BNC2: variants seen among roughly 807,000 people sequenced by gnomAD.
BNC2 encodes the protein basonuclin zinc finger protein 2.
BNC2 carries 20 observed loss-of-function variants against 76.3 expected under a neutral mutation model. The observed-to-expected ratio is 0.26, with a 90% CI of 0.18 to 0.38. The LOEUF (loss-of-function observed/expected upper bound fraction) is 0.38, where lower values mean the gene tolerates loss of function less well. BNC2 is among the 10% of genes least tolerant of loss of function. The probability of loss-of-function intolerance (pLI) is 1.00; values close to 1 mark genes in which losing one functional copy is unlikely to be tolerated. For missense variants in BNC2, 1,382 were observed against 1,399.8 expected, an observed-to-expected ratio of 0.99 and a Z score of 0.20; for synonymous variants, 582 against 514.8, an observed-to-expected ratio of 1.13 and a Z score of -1.77.
At chr9:16,594,822 G>A (rs551939834) in intron 3 of BNC2, among the ~76,000 whole-genome samples, 1 of 152,210 alleles carries the variant, frequency 6.6e-6, no homozygotes, top group South Asian at 2.1e-4. Flanking sequence ...GCCTGGGCAT[G>A]GGAGGAAAGG....
intron 6 of BNC2, among the ~76,000 whole-genome samples, chr9:16,431,927 C>T (rs1342445824): frequency 1.3e-5 from 2 of 152,214 alleles, no homozygotes; most frequent in Admixed American, 1.3e-4. Context: ...TGCTCACCCA[C>T]CCACCACTCA....
At chr9:16,623,499 C>A (rs1427071981) in intron 3 of BNC2, among the ~76,000 whole-genome samples, 2 of 152,160 alleles carry the variant, frequency 1.3e-5, no homozygotes, top group African/African-American at 4.8e-5. Context: ...GCTAAGGAGC[C>A]TGCAGAGAAA....
chr9:16,851,034 G>T (rs141782457), intron 1 of BNC2, among the ~76,000 whole-genome samples: 1 of 151,680 alleles, frequency 6.6e-6, no homozygotes, highest in Non-Finnish European at 1.5e-5. Context: ...ATCTTCTAGG[G>T]TGACTATTTT....
chr9:16,519,577 G>C (rs1355221790), intron 5 of BNC2, among the ~76,000 whole-genome samples: 2 of 152,212 alleles, frequency 1.3e-5, no homozygotes, highest in African/African-American at 4.8e-5. Context: ...TGCTGATCAA[G>C]TGAAACATGA....
intron 4 of BNC2, among the ~76,000 whole-genome samples, chr9:16,566,459 T>C (rs1819170464): frequency 6.6e-6 from 1 of 152,086 alleles, no homozygotes; most frequent in South Asian, 2.1e-4. Context: ...ATTAAGGCAA[T>C]TTGGAGGGTA....
chr9:16,631,239 A>T (rs1199528616), intron 3 of BNC2, among the ~76,000 whole-genome samples: 1 of 152,162 alleles, frequency 6.6e-6, no homozygotes, highest in African/African-American at 2.4e-5. Context: ...ACTTTTACAT[A>T]ATTAATGAAC....
intron 1 of BNC2, among the ~76,000 whole-genome samples, chr9:16,845,497 G>A (rs188323542): frequency 6.2e-4 from 95 of 152,156 alleles, no homozygotes; most frequent in African/African-American, 2.0e-3. Context: ...CAAGGCGGGC[G>A]GATCACAAGG....
At chr9:16,844,384 C>A (rs1029525667) in intron 1 of BNC2, among the ~76,000 whole-genome samples, 4 of 149,732 alleles carry the variant, frequency 2.7e-5, no homozygotes, top group African/African-American at 9.9e-5. Context: ...AGTGTTCAAT[C>A]AAGTACACAC....
intron 3 of BNC2, among the ~76,000 whole-genome samples, chr9:16,641,598 T>A (rs1821493516): frequency 6.6e-6 from 1 of 152,200 alleles, no homozygotes; most frequent in Non-Finnish European, 1.5e-5. Flanking sequence ...ATTAATAAAG[T>A]ATTCGGATGC....
intron 4 of BNC2, among the ~76,000 whole-genome samples, chr9:16,564,142 A>G (rs73419408): frequency 0.055 from 8,343 of 152,260 alleles, 816 homozygotes; most frequent in African/African-American, 0.19. Flanking sequence ...TTTTTAAAAG[A>G]TGCTCGTTGT....
intron 3 of BNC2, among the ~76,000 whole-genome samples, chr9:16,611,654 A>G (rs1421003624): frequency 6.6e-6 from 1 of 152,192 alleles, no homozygotes; most frequent in African/African-American, 2.4e-5. Flanking sequence ...ACTCTGATAA[A>G]GCAAGACATG....
rs1288915528 is a variant in BNC2 at position 16,418,775 on chromosome 9, T to C, written c.*214A>G. The C allele has an allele frequency of 8.6e-6, 5 of 580,724 alleles. No homozygotes were observed. Among genetic ancestry groups the C allele is most frequent in the African/African-American group, 3.8e-5 (2 of 52,082 alleles). The allele number at this position is 580,724 out of a possible 1,614,324, so 36.0% of individuals were successfully genotyped here. A position where few individuals can be genotyped will look rare whatever the true frequency, so the allele number is the denominator to read the frequency against. ...AGATCCCACTCCTTTCCCAAAACTA[T>C]AAAGGGAAGTGAAAAAAATTCAAAA... On this transcript the variant is annotated 3_prime_UTR_variant, in exon 7 of 7. Transcript: ENST00000380672.
At chr9:16,780,831 T>G (rs1473030310) in intron 1 of BNC2, among the ~76,000 whole-genome samples, 1 of 152,100 alleles carries the variant, frequency 6.6e-6, no homozygotes, top group Non-Finnish European at 1.5e-5. Flanking sequence ...GAAACATCCT[T>G]GACATCTTTA....
intron 5 of BNC2, among the ~76,000 whole-genome samples, chr9:16,496,711 G>A (rs1028941404): frequency 6.6e-6 from 1 of 152,164 alleles, no homozygotes; most frequent in African/African-American, 2.4e-5. Context: ...AGGAGCAGGG[G>A]ATCCATATCT....
At chr9:16,521,199 T>C (rs1784651429) in intron 5 of BNC2, among the ~76,000 whole-genome samples, 1 of 152,160 alleles carries the variant, frequency 6.6e-6, no homozygotes, top group Admixed American at 6.5e-5. Context: ...GCCGACATAT[T>C]TGGAAGAGAC....
chr9:16,593,111 C>A (rs1241786937), intron 3 of BNC2, among the ~76,000 whole-genome samples: 2 of 151,450 alleles, frequency 1.3e-5, no homozygotes, highest in Non-Finnish European at 2.9e-5. Context: ...ATTGACAATG[C>A]TGAATTCTGT....
intron 4 of BNC2, among the ~76,000 whole-genome samples, chr9:16,559,493 T>C (rs1031310248): frequency 1.3e-5 from 2 of 152,186 alleles, no homozygotes; most frequent in Admixed American, 1.3e-4. Context: ...TCAGGTTAGG[T>C]AACTGGCCTA....
In BNC2 at chr9:16,419,101, T is replaced by G; in HGVS notation, c.3188A>C (p.His1063Pro). 1.2e-6 allele frequency: 2 copies of G among 1,614,220 alleles called. No homozygotes were observed. The highest frequency in any genetic ancestry group is 1.7e-6 in the Non-Finnish European group (2 of 1,180,040). Residue 1063 changes from histidine (H) to proline (P), a missense_variant, in exon 7 of 7, where the codon CAC (histidine) becomes CCC (proline). Around this residue, in one of 3 missense-constraint regions of BNC2, gnomAD observed 798 missense variants for 775.5 expected, o/e 1.03. Coordinates refer to ENST00000380672, the MANE Select transcript of BNC2 (RefSeq NM_017637.6). ...HYKTVHLREM[H>P]KCKVPGCNMM... is the part of the protein sequence containing the mutation. ...ATTGCAACCTGGGACTTTGCACTTGTGCATTTCTCTCAAATGCACAGTTTT... is the reference window on the plus strand; with the variant it reads ...ATTGCAACCTGGGACTTTGCACTTGGGCATTTCTCTCAAATGCACAGTTTT...
intron 2 of BNC2, among the ~76,000 whole-genome samples, chr9:16,734,364 A>C (rs1164180674): frequency 2.6e-5 from 4 of 152,254 alleles, no homozygotes; most frequent in Admixed American, 2.0e-4. Context: ...GAACAAATTC[A>C]AAGTGCTCTT....
Sources: allele counts gnomAD v4.1 joint callset (sites outside exome capture counted in the v4.1 genomes callset), GRCh38; gene constraint gnomAD v4.1.1; regional missense constraint gnomAD v4.1.1; transcripts MANE v1.5; gene names NCBI Gene and HGNC (gene_info 2026-07-23, HGNC 2026-07-21).